The following EXOC2 variants were observed in gnomAD, a reference collection of about 807,000 sequenced individuals.
EXOC2 encodes the protein SEC5-like 1.
Under a neutral mutation model 131.8 loss-of-function variants are expected in EXOC2, and 70 were observed. The ratio of observed to expected loss-of-function variants is 0.53; its 90% CI spans 0.44 to 0.65. The LOEUF is 0.65. Ranked by LOEUF, EXOC2 falls within the 30% of genes least tolerant of loss-of-function variation. The pLI, the probability that EXOC2 is intolerant of heterozygous loss-of-function variation, is 0.00. For synonymous variants in EXOC2, 411 were observed against 398.4 expected (o/e 1.03, Z -0.38); for missense variants, 923 against 1,108.6 (o/e 0.83, Z 2.38).
At chr6:529,120 C>CA (rs376365380) in intron 23 of EXOC2, among the ~76,000 whole-genome samples, 6 of 148,552 alleles carry the variant, frequency 4.0e-5, no homozygotes, top group African/African-American at 7.3e-5. Context: ...CCTTTTACCC[C>CA]CCCCCGCGCC....
intron 24 of EXOC2, among the ~76,000 whole-genome samples, chr6:499,430 A>AACACACACACACACACAC (rs5873755): frequency 7.1e-6 from 1 of 141,640 alleles, no homozygotes; most frequent in South Asian, 2.4e-4. Context: ...CTCACAGTTA[A>AACACACACACACACACAC]ACACACACAC....
At chr6:612,644 C>A (rs1209275631) in intron 6 of EXOC2, among the ~76,000 whole-genome samples, 1 of 152,142 alleles carries the variant, frequency 6.6e-6, no homozygotes, top group Non-Finnish European at 1.5e-5. Flanking sequence ...ATGATACCTA[C>A]CTGAATTATC....
chr6:530,683 G>A (rs959951156), intron 23 of EXOC2, among the ~76,000 whole-genome samples: 1 of 152,224 alleles, frequency 6.6e-6, no homozygotes, highest in Non-Finnish European at 1.5e-5. Flanking sequence ...GGGGGAGCCC[G>A]TGGAGAGGGA....
chr6:537,167 TACACTTGAGTTGACGACC>T (rs1766491335), intron 22 of EXOC2, among the ~76,000 whole-genome samples: 2 of 151,318 alleles, frequency 1.3e-5, no homozygotes, highest in Non-Finnish European at 2.9e-5. Context: ...CGACGGAGCG[TACACTTGAGTTGACGACC>T]GACGGAGCGT....
At chr6:502,161 T>TA (rs1243508129) in intron 23 of EXOC2, among the ~76,000 whole-genome samples, 1 of 152,090 alleles carries the variant, frequency 6.6e-6, no homozygotes, top group Non-Finnish European at 1.5e-5. Context: ...CATACATACT[T>TA]ACTGAAAATC....
At chr6:671,527 T>C (rs1447876041) in intron 1 of EXOC2, among the ~76,000 whole-genome samples, 1 of 152,180 alleles carries the variant, frequency 6.6e-6, no homozygotes, top group African/African-American at 2.4e-5. Context: ...TCTCTAAAAT[T>C]CATCCTTGAA....
intron 23 of EXOC2, among the ~76,000 whole-genome samples, chr6:529,584 T>G (rs1388780795): frequency 7.9e-5 from 12 of 152,222 alleles, no homozygotes; most frequent in Admixed American, 7.8e-4. Context: ...CATGATTTTT[T>G]TCTATTCTCA....
chr6:562,272 A>T (rs554665129), intron 17 of EXOC2, among the ~76,000 whole-genome samples: 28 of 152,324 alleles, frequency 1.8e-4, no homozygotes, highest in Admixed American at 1.6e-3. Flanking sequence ...GGCACCCGTG[A>T]GACAAGTGTG....
chr6:654,803 C>CAA lies in EXOC2; in HGVS notation c.-43-16944_-43-16943dup, dbSNP rs66637987. ...TGGGTGACAGAGTAAGACCCTGTCTCAAAAAAAAAAAAAAAAAAAAAAAAA... is the reference window on the plus strand; with the variant it reads ...TGGGTGACAGAGTAAGACCCTGTCTCAAAAAAAAAAAAAAAAAAAAAAAAAAA... On this transcript the variant is annotated intron_variant, in intron 1 of 27. Transcript: ENST00000230449. 5.3e-3 allele frequency among the ~76,000 whole-genome samples: 158 copies of CAA among 29,550 alleles called. 48 individuals are homozygous for CAA. Among genetic ancestry groups the CAA allele is most frequent in the African/African-American group, 7.5e-3 (79 of 10,494 alleles). The allele number at this position is 29,550 out of a possible 152,430, so 19.4% of individuals were successfully genotyped here. A position where few individuals can be genotyped will look rare whatever the true frequency, so the allele number is the denominator to read the frequency against.
chr6:488,884 T>TAGAATCCAAATCATTATTTTTAAA lies in EXOC2; in HGVS notation c.2681+71_2681+94dup, dbSNP rs1763254907. On this transcript the variant is annotated intron_variant, in intron 27 of 27. Transcript: ENST00000230449. ...ATTCTTATTTGGATTCTGCTCTTCC[T>TAGAATCCAAATCATTATTTTTAAA]AGAATCCAAATCATTATTTTTAAAA... 2.7e-5 allele frequency: 35 copies of TAGAATCCAAATCATTATTTTTAAA among 1,312,674 alleles called. No individual in the cohort carries two copies. In the East Asian group the frequency reaches 8.1e-4, roughly 30 times the overall value. 81.3% of individuals were successfully genotyped at this position (1,312,674 alleles called of 1,614,324 possible).
intron 2 of EXOC2, among the ~76,000 whole-genome samples, chr6:635,714 T>C (rs954539357): frequency 6.6e-6 from 1 of 152,218 alleles, no homozygotes; most frequent in Non-Finnish European, 1.5e-5. Flanking sequence ...TTTTAAAAAA[T>C]GGTTTCTTGG....
chr6:609,709 T>C (rs1760616354), intron 7 of EXOC2, among the ~76,000 whole-genome samples: 1 of 152,210 alleles, frequency 6.6e-6, no homozygotes, highest in Admixed American at 6.5e-5. Flanking sequence ...CTCTTGTGGC[T>C]GAGGTTATTT....
chr6:676,811 C>T (rs1236209587), intron 1 of EXOC2, among the ~76,000 whole-genome samples: 12 of 94,564 alleles, frequency 1.3e-4, no homozygotes, highest in African/African-American at 3.9e-4. Context: ...TACTCTTCAA[C>T]ATTACGGAAA....
At chr6:626,729 T>C (rs1326377482) in intron 4 of EXOC2, among the ~76,000 whole-genome samples, 2 of 151,988 alleles carry the variant, frequency 1.3e-5, no homozygotes, top group Non-Finnish European at 2.9e-5. Context: ...GTAGCTGAGA[T>C]TACATGCGCC....
intron 1 of EXOC2, chr6:656,146 C>A (rs140484138): frequency 8.7e-6 from 14 of 1,613,718 alleles, no homozygotes; most frequent in Non-Finnish European, 1.2e-5. Context: ...GAGACATCTT[C>A]TTGAACCAAA....
rs573828886 is a variant in EXOC2 at position 571,121 on chromosome 6, C to T, written c.1443+1399G>A. ...AAGCAACTCTCATTATGTAGACCTG[C>T]GAAACCTGACGTTCGTTTCATGGAA... On this transcript the variant is annotated intron_variant, in intron 13 of 27. Coordinates refer to ENST00000230449, the MANE Select transcript of EXOC2 (RefSeq NM_018303.6). 5.3e-5 allele frequency among the ~76,000 whole-genome samples: 8 copies of T among 152,304 alleles called. No homozygotes were observed. The East Asian group carries it at 1.2e-3, about 22-fold the overall frequency.
chr6:684,375 G>A (rs1387286627), intron 1 of EXOC2, among the ~76,000 whole-genome samples: 1 of 152,138 alleles, frequency 6.6e-6, no homozygotes, highest in Admixed American at 6.5e-5. Flanking sequence ...AGTAGCTGAT[G>A]AAGGATTAAC....
Position 592,479 on chromosome 6 carries a change from T to G in EXOC2, c.1182A>C (p.Lys394Asn), listed in dbSNP as rs1387938658. Residue 394 changes from lysine (K) to asparagine (N), a missense_variant, in exon 11 of 28, where the codon AAA (lysine) becomes AAC (asparagine). Physicochemically the swap from Lys to Asn is moderately conservative, Grantham distance 94 (BLOSUM62 0). Transcript: ENST00000230449. Reference protein sequence around the residue: ...LMHSCKEGYVKDLKGNPGLHS... With the variant: ...LMHSCKEGYVNDLKGNPGLHS... ...AAGAGAAATCCTTGCCTTTCAGATCTTTCACGTAGCCCTCTTTGCAACTGT... is the reference window on the plus strand; with the variant it reads ...AAGAGAAATCCTTGCCTTTCAGATCGTTCACGTAGCCCTCTTTGCAACTGT... The G allele has an allele frequency of 6.2e-7, 1 of 1,613,396 alleles. No individual in the cohort carries two copies. Among genetic ancestry groups the G allele is most frequent in the Non-Finnish European group, 8.5e-7 (1 of 1,179,496 alleles).
At chr6:641,531 C>A (rs1180528403) in intron 1 of EXOC2, among the ~76,000 whole-genome samples, 1 of 152,118 alleles carries the variant, frequency 6.6e-6, no homozygotes, top group Non-Finnish European at 1.5e-5. Context: ...AGATTAGGTT[C>A]AGTCCAACAC....
Sources: allele counts gnomAD v4.1 joint callset (sites outside exome capture counted in the v4.1 genomes callset), GRCh38; gene constraint gnomAD v4.1.1; transcripts MANE v1.5; gene names NCBI Gene and HGNC (gene_info 2026-07-23, HGNC 2026-07-21).